The following DGKB variants were observed in gnomAD, a reference collection of about 807,000 sequenced individuals.
DGKB encodes diacylglycerol kinase beta.
DGKB carries 67 observed loss-of-function variants against 114.3 expected under a neutral mutation model. That is an observed-to-expected ratio of 0.59 (90% CI 0.48 to 0.72). The LOEUF (loss-of-function observed/expected upper bound fraction) is 0.72, where lower values mean the gene tolerates loss of function less well. Ranked by LOEUF, DGKB falls within the 30% of genes least tolerant of loss-of-function variation. DGKB has a pLI of 0.00. For missense variants in DGKB, 907 were observed against 975.2 expected (o/e 0.93, Z 0.93); for synonymous variants, 398 against 323.1 (o/e 1.23, Z -2.49).
At chr7:14,963,358 A>T (rs1035867011) in intron 1 of DGKB, among the ~76,000 whole-genome samples, 1 of 152,152 alleles carries the variant, frequency 6.6e-6, no homozygotes, top group African/African-American at 2.4e-5. Context: ...GCCAGGGAAA[A>T]TCAGTTGATG....
chr7:14,838,146 T>C (rs1319160970), intron 2 of DGKB, among the ~76,000 whole-genome samples: 4 of 152,184 alleles, frequency 2.6e-5, no homozygotes, highest in Non-Finnish European at 5.9e-5. Flanking sequence ...TTCACAAATT[T>C]ATTACTGATT....
At chr7:14,882,266 A>T (rs760092715) in intron 1 of DGKB, among the ~76,000 whole-genome samples, 1 of 152,094 alleles carries the variant, frequency 6.6e-6, no homozygotes, top group Non-Finnish European at 1.5e-5. Flanking sequence ...TGTAGTCCAC[A>T]AAAGGGCAGT....
At chr7:14,683,364 C>T (rs1275550987) in intron 10 of DGKB, among the ~76,000 whole-genome samples, 1 of 152,174 alleles carries the variant, frequency 6.6e-6, no homozygotes, top group Non-Finnish European at 1.5e-5. Flanking sequence ...GAAAATTCAT[C>T]CTTCACTTGC....
intron 23 of DGKB, among the ~76,000 whole-genome samples, chr7:14,228,356 T>G (rs1019097897): frequency 6.6e-6 from 1 of 152,066 alleles, no homozygotes; most frequent in Admixed American, 6.6e-5. Flanking sequence ...CAACCAGTTC[T>G]AAATTAATTA....
intron 20 of DGKB, among the ~76,000 whole-genome samples, chr7:14,557,668 T>G (rs1467143421): frequency 2.0e-5 from 3 of 152,070 alleles, no homozygotes; most frequent in African/African-American, 7.2e-5. Flanking sequence ...TAGAAAATCT[T>G]CATATATTTG....
At chr7:14,158,094 G>A (rs116616206) in intron 25 of DGKB, among the ~76,000 whole-genome samples, 3,729 of 152,278 alleles carry the variant, frequency 0.024, 141 homozygotes, top group African/African-American at 0.081. Context: ...GTCTCTGTTT[G>A]CTAAAGTAAT....
At chr7:14,593,187 G>T (rs1006751354) in intron 17 of DGKB, among the ~76,000 whole-genome samples, 5 of 151,852 alleles carry the variant, frequency 3.3e-5, no homozygotes, top group Admixed American at 6.6e-5. Flanking sequence ...AATCTTTTAT[G>T]CTTATGTGTG....
chr7:14,497,661 G>A (rs1406056124), intron 20 of DGKB, among the ~76,000 whole-genome samples: 2 of 151,872 alleles, frequency 1.3e-5, no homozygotes, highest in Admixed American at 6.6e-5. Context: ...GAACTTTGCT[G>A]CATCACCCCA....
At chr7:14,941,421 G>A (rs896403630) in intron 1 of DGKB, among the ~76,000 whole-genome samples, 2 of 151,986 alleles carry the variant, frequency 1.3e-5, no homozygotes, top group African/African-American at 4.8e-5. Flanking sequence ...ATAGGAAGAA[G>A]ATATGTTTTT....
At position 14,535,762 on chromosome 7, in the gene DGKB, ATTTT is replaced by A. The variant is rs1310297846; in HGVS notation, c.1770+38446_1770+38449del. On this transcript the variant is annotated intron_variant, in intron 20 of 25. Transcript: ENST00000402815. Reference sequence around the variant, plus strand: ...GCCACCACGCCCAGCTGATTTTAATATTTTTAGTAGAGACGGGGTTTCACCATGT... The same window carrying A: ...GCCACCACGCCCAGCTGATTTTAATATAGTAGAGACGGGGTTTCACCATGT... Among the ~76,000 whole-genome samples, 4 of 152,086 alleles carry A rather than the reference ATTTT, an allele frequency of 2.6e-5. No individual in the cohort carries two copies. The East Asian group carries it at 7.7e-4, about 29-fold the overall frequency.
chr7:14,779,369 C>T (rs985368876), intron 2 of DGKB, among the ~76,000 whole-genome samples: 6 of 151,644 alleles, frequency 4.0e-5, no homozygotes, highest in Admixed American at 6.6e-5. Context: ...AACCTGGTCT[C>T]TATAAAAAAA....
chr7:14,653,804 CA>C (rs1815178674), intron 13 of DGKB, among the ~76,000 whole-genome samples: 1 of 151,826 alleles, frequency 6.6e-6, no homozygotes, highest in Non-Finnish European at 1.5e-5. Context: ...GAAACCAAAA[CA>C]AAGCAATTCA....
intron 17 of DGKB, among the ~76,000 whole-genome samples, chr7:14,584,572 A>G (rs1800439815): frequency 6.6e-6 from 1 of 152,162 alleles, no homozygotes; most frequent in African/African-American, 2.4e-5. Flanking sequence ...ATATTTTTAT[A>G]CATTTCCTGG....
At chr7:14,373,012 A>C (rs1817923659) in intron 21 of DGKB, among the ~76,000 whole-genome samples, 1 of 152,172 alleles carries the variant, frequency 6.6e-6, no homozygotes, top group Non-Finnish European at 1.5e-5. Context: ...TTGATCCATA[A>C]GGTGTTAGGA....
chr7:14,846,544 C>T (rs183775462), intron 1 of DGKB, among the ~76,000 whole-genome samples: 1 of 152,342 alleles, frequency 6.6e-6, no homozygotes, highest in East Asian at 1.9e-4. Context: ...GTCCCCGCCT[C>T]TTCATAAATG....
intron 13 of DGKB, among the ~76,000 whole-genome samples, chr7:14,669,063 C>A (rs1239266582): frequency 6.6e-6 from 1 of 152,078 alleles, no homozygotes; most frequent in Non-Finnish European, 1.5e-5. Flanking sequence ...ATTTTGTTCC[C>A]ACTTTCCTAG....
intron 23 of DGKB, among the ~76,000 whole-genome samples, chr7:14,313,620 C>T (rs1488980584): frequency 6.6e-6 from 1 of 152,182 alleles, no homozygotes; most frequent in Non-Finnish European, 1.5e-5. Flanking sequence ...GCACCTGGCT[C>T]GGAGGGTCCT....
intron 25 of DGKB, chr7:14,175,824 G>T (rs1014897117): frequency 1.3e-5 from 2 of 151,744 alleles, no homozygotes; most frequent in South Asian, 4.2e-4. Flanking sequence ...TTTTTGGGGG[G>T]GATGGAATTT....
chr7:14,741,670 A>G (rs937824509), intron 4 of DGKB, among the ~76,000 whole-genome samples: 2 of 152,222 alleles, frequency 1.3e-5, no homozygotes, highest in African/African-American at 4.8e-5. Flanking sequence ...TCTCTGAGCT[A>G]CACTTAGACG....
Sources: gnomAD v4.1 joint callset for allele counts (sites outside exome capture counted in the v4.1 genomes callset) on GRCh38, gnomAD v4.1.1 for gene constraint, MANE v1.5 for transcripts, NCBI Gene and HGNC (gene_info 2026-07-23, HGNC 2026-07-21) for gene names.